Variants in FGFR1 observed in about 807,000 individuals in gnomAD.
FGFR1 encodes the protein fibroblast growth factor receptor 1.
FGFR1 carries 18 observed loss-of-function variants against 93.7 expected under a neutral mutation model. The observed-to-expected ratio is 0.19, with a 90% confidence interval of 0.13 to 0.28. The LOEUF (loss-of-function observed/expected upper bound fraction) is 0.28. Ranked by LOEUF, FGFR1 falls within the 10% of genes least tolerant of loss-of-function variation. The pLI is 1.00. For synonymous variants in FGFR1, 448 were observed against 429.3 expected, an observed-to-expected ratio of 1.04 and a Z score of -0.54; for missense variants, 731 against 1,080.4, an observed-to-expected ratio of 0.68 and a Z score of 4.53.
chr8:38,452,192 GACACACAGACACACACACACACACAC>G (rs1249766536), intron 2 of FGFR1, among the ~76,000 whole-genome samples: 3 of 91,578 alleles, frequency 3.3e-5, no homozygotes, highest in African/African-American at 1.3e-4. Context: ...CAGACACACA[GACACACAGACACACACACACACACAC>G]ACACACACAC....
intron 9 of FGFR1, chr8:38,418,591 T>C: frequency 1.7e-6 from 1 of 595,392 alleles, no homozygotes; most frequent in Admixed American, 3.0e-5. Context: ...TGGACTTCAC[T>C]CACCTTTAAA....
In FGFR1 at chr8:38,417,244, T is replaced by G. The variant is rs139386944; in HGVS notation, c.1663+62A>C. ...CTGTGGCTGAGAGAGGCCTTGGGACTGATACCCCAGCTCAGATCTTCTCCC... is the reference window on the plus strand; with the variant it reads ...CTGTGGCTGAGAGAGGCCTTGGGACGGATACCCCAGCTCAGATCTTCTCCC... On this transcript the variant is annotated intron_variant, in intron 12 of 17. Transcript: ENST00000447712. The G allele has an allele frequency of 4.3e-3, 5,733 of 1,337,510 alleles. 16 individuals carry two copies. Among genetic ancestry groups the G allele is most frequent in the Non-Finnish European group, 5.2e-3 (4,830 of 934,946 alleles). 82.9% of individuals were successfully genotyped at this position (1,337,510 alleles called of 1,614,324 possible).
intron 3 of FGFR1, chr8:38,428,736 T>C (rs921076979): frequency 6.9e-6 from 3 of 435,232 alleles, no homozygotes; most frequent in Non-Finnish European, 1.3e-5. Flanking sequence ...TTTCTCAACT[T>C]GTGGTGCCAC....
intron 2 of FGFR1, chr8:38,434,319 A>G: frequency 5.6e-6 from 1 of 179,806 alleles, no homozygotes; most frequent in South Asian, 1.2e-4. Context: ...CTCAACCCAT[A>G]TTGCTGCTGC....
At chr8:38,440,799 C>T (rs542282519) in intron 2 of FGFR1, among the ~76,000 whole-genome samples, 380 of 152,174 alleles carry the variant, frequency 2.5e-3, no homozygotes, top group African/African-American at 8.8e-3. Flanking sequence ...CAGGTCCCCC[C>T]GTGCGTTGCC....
intron 2 of FGFR1, among the ~76,000 whole-genome samples, chr8:38,447,714 TA>T (rs2151210244): frequency 6.6e-6 from 1 of 152,166 alleles, no homozygotes; most frequent in East Asian, 1.9e-4. Context: ...CTCCTGACCT[TA>T]AGTGATCTGC....
At chr8:38,458,789 A>G (rs967762835) in intron 1 of FGFR1, 6 of 220,906 alleles carry the variant, frequency 2.7e-5, no homozygotes, top group Non-Finnish European at 5.4e-5. Context: ...TACGAATCAC[A>G]TCCATAGTTC....
chr8:38,417,435 G>C lies in FGFR1; in HGVS notation c.1553-19C>G, dbSNP rs2150632098. The C allele has an allele frequency of 2.5e-6, 4 of 1,604,364 alleles. No individual in the cohort carries two copies. Among genetic ancestry groups the C allele is most frequent in the Non-Finnish European group, 3.4e-6 (4 of 1,171,798 alleles). On this transcript the variant is annotated intron_variant, in intron 11 of 17. Transcript: ENST00000447712. ...GCGTCCGCTTTAAAGAACACGTTGA[G>C]ACTCATTTACTTGGGAAGGGAGGAG...
rs2150959699 is a variant in FGFR1, at chr8:38,429,785, C to T, written c.255G>A (p.Glu85=). 6.2e-7 allele frequency: 1 copy of T among 1,611,864 alleles called. No homozygotes were observed. The highest frequency in any genetic ancestry group is 8.5e-7 in the Non-Finnish European group (1 of 1,179,166). ...ESNRTRITGE[E]VEVQDSVPAD... ...CGGGCACGGAGTCCTGCACCTCCACCTCCTCCCCTGTGATGCGGGTGCGGT... is the reference window on the plus strand; with the variant it reads ...CGGGCACGGAGTCCTGCACCTCCACTTCCTCCCCTGTGATGCGGGTGCGGT... Residue 85 remains glutamate, a synonymous_variant, in exon 3 of 18, where the codon GAG becomes GAA. Coordinates refer to ENST00000447712, the MANE Select transcript of FGFR1 (RefSeq NM_023110.3). The surrounding 1 kb of genome is among the most constrained non-coding windows in gnomAD (Gnocchi z 4.4).
chr8:38,449,306 C>CT (rs1227568902), intron 2 of FGFR1, among the ~76,000 whole-genome samples: 1 of 151,666 alleles, frequency 6.6e-6, no homozygotes, highest in African/African-American at 2.4e-5. Flanking sequence ...AGCTAAGGGA[C>CT]TAGGATAAAA....
chr8:38,457,876 C>T (rs372194532), intron 1 of FGFR1, among the ~76,000 whole-genome samples: 15 of 152,120 alleles, frequency 9.9e-5, no homozygotes, highest in East Asian at 3.9e-4. Flanking sequence ...CCAGTTACTT[C>T]GGAGGCTAAG....
rs1822479721 is a variant in FGFR1 at position 38,430,235 on chromosome 8, C to CAT, written c.92-289_92-288dup. 3 of 60,728 alleles carry CAT rather than the reference C, an allele frequency of 4.9e-5. No individual in the cohort carries two copies. In the East Asian group the frequency reaches 7.6e-4, roughly 15 times the overall value. The allele number at this position is 60,728 out of a possible 1,614,324, so 3.8% of individuals were successfully genotyped here. A position where few individuals can be genotyped will look rare whatever the true frequency, so the allele number is the denominator to read the frequency against. Reference sequence around the variant, plus strand: ...GAAGCAGCTGTAGCAGCATTAAGCGCATTTCATTTCCCCCATCCTAAGGGG... The same window carrying CAT: ...GAAGCAGCTGTAGCAGCATTAAGCGCATATTTCATTTCCCCCATCCTAAGGGG... On this transcript the variant is annotated intron_variant, in intron 2 of 17. Transcript: ENST00000447712.
intron 1 of FGFR1, among the ~76,000 whole-genome samples, chr8:38,460,011 C>G (rs1301785643): frequency 1.3e-5 from 2 of 152,098 alleles, no homozygotes; most frequent in African/African-American, 4.8e-5. Context: ...GGTGAAATTC[C>G]TCGTCTACTA....
chr8:38,420,991 G>A (rs1409223415), intron 8 of FGFR1, among the ~76,000 whole-genome samples: 2 of 152,210 alleles, frequency 1.3e-5, no homozygotes, highest in Non-Finnish European at 2.9e-5. Flanking sequence ...GCCTCCAGCA[G>A]GGGCATCCGG....
intron 1 of FGFR1, among the ~76,000 whole-genome samples, chr8:38,467,355 G>A (rs936638229): frequency 6.6e-6 from 1 of 151,502 alleles, no homozygotes; most frequent in Non-Finnish European, 1.5e-5. Flanking sequence ...CCTATTCCAA[G>A]AGAAGCTAAC....
At chr8:38,459,102 TA>T (rs1423705407) in intron 1 of FGFR1, 1 of 228,282 alleles carries the variant, frequency 4.4e-6, no homozygotes, top group Non-Finnish European at 8.7e-6. Flanking sequence ...CCCAGGGTCT[TA>T]AAGAACGGAT....
rs1162511894 is a variant in FGFR1 at position 38,413,424 on chromosome 8, A to C, written c.*204T>G. 8.4e-6 allele frequency: 5 copies of C among 598,284 alleles called. No individual in the cohort carries two copies. The highest frequency in any genetic ancestry group is 8.9e-6 in the Non-Finnish European group (3 of 337,712). The allele number at this position is 598,284 out of a possible 1,614,324, so 37.1% of individuals were successfully genotyped here. On this transcript the variant is annotated 3_prime_UTR_variant, in exon 18 of 18. Coordinates refer to ENST00000447712, the MANE Select transcript of FGFR1 (RefSeq NM_023110.3). The surrounding 1 kb of genome is among the most constrained non-coding windows in gnomAD (Gnocchi z 4.2). ...TGGCAGCAAAGATCTGCCTCTTTGCACCTCTCACCAGCAGGTGGAGAGGAG... is the reference window on the plus strand; with the variant it reads ...TGGCAGCAAAGATCTGCCTCTTTGCCCCTCTCACCAGCAGGTGGAGAGGAG...
intron 2 of FGFR1, among the ~76,000 whole-genome samples, chr8:38,434,148 C>T (rs1391949183): frequency 6.6e-6 from 1 of 152,180 alleles, no homozygotes; most frequent in Non-Finnish European, 1.5e-5. Flanking sequence ...TACCACATTG[C>T]AGTCATCAAT....
Position 38,412,399 on chromosome 8 carries a change from G to A in FGFR1, c.*1229C>T. On this transcript the variant is annotated 3_prime_UTR_variant, in exon 18 of 18. Transcript: ENST00000447712. Reference sequence around the variant, plus strand: ...ACCCCGTGGCTATTCCTAGGTAGGTGCCCCCTCCCCAGCCCAACCCCACCG... The same window carrying A: ...ACCCCGTGGCTATTCCTAGGTAGGTACCCCCTCCCCAGCCCAACCCCACCG... 8.6e-6 allele frequency: 2 copies of A among 232,676 alleles called. No homozygotes were observed. The highest frequency in any genetic ancestry group is 1.2e-4 in the East Asian group (2 of 16,520). 14.4% of individuals were successfully genotyped at this position (232,676 alleles called of 1,614,324 possible). A position where few individuals can be genotyped will look rare whatever the true frequency, so the allele number is the denominator to read the frequency against.
Sources: gnomAD v4.1 joint callset for allele counts (sites outside exome capture counted in the v4.1 genomes callset) on GRCh38, gnomAD v4.1.1 for gene constraint, Gnocchi (gnomAD v3.1) non-coding constraint, MANE v1.5 for transcripts, NCBI Gene and HGNC (gene_info 2026-07-23, HGNC 2026-07-21) for gene names.